Variants in CACNA2D1 observed in about 807,000 individuals in gnomAD.
CACNA2D1 encodes voltage-dependent calcium channel subunit alpha-2/delta-1.
CACNA2D1 carries 53 observed loss-of-function variants against 171.5 expected under a neutral mutation model. That is an observed-to-expected ratio of 0.31 (90% CI 0.25 to 0.39). CACNA2D1 has a LOEUF of 0.39. CACNA2D1 is among the 10% of genes least tolerant of loss of function. CACNA2D1 has a pLI of 1.00. For missense variants in CACNA2D1, 903 were observed against 1,299.8 expected, an observed-to-expected ratio of 0.69 and a Z score of 4.69; for synonymous variants, 442 against 443.1, an observed-to-expected ratio of 1.00 and a Z score of 0.03.
chr7:81,962,183 G>A (rs1034980737), intron 35 of CACNA2D1, among the ~76,000 whole-genome samples, 160 bp from the exon 36 acceptor site: 9 of 151,852 alleles, frequency 5.9e-5, no homozygotes, highest in African/African-American at 1.5e-4. Context: ...GTGGCAGCCC[G>A]TAATAGATGC....
chr7:82,409,101 C>A (rs1199335914), intron 1 of CACNA2D1, among the ~76,000 whole-genome samples: 1 of 151,578 alleles, frequency 6.6e-6, no homozygotes, highest in Non-Finnish European at 1.5e-5. Context: ...TTAATTATTT[C>A]TTTGGCTATA....
intron 38 of CACNA2D1, among the ~76,000 whole-genome samples, chr7:81,953,083 G>T (rs1400729011): frequency 1.3e-5 from 2 of 151,928 alleles, no homozygotes; most frequent in South Asian, 2.1e-4. Context: ...CAGAGTGGGG[G>T]TTTCAGCTGG....
At chr7:82,038,920 T>C (rs1803631487) in intron 10 of CACNA2D1, among the ~76,000 whole-genome samples, 2 of 151,988 alleles carry the variant, frequency 1.3e-5, no homozygotes, top group Non-Finnish European at 2.9e-5. Context: ...TTAAGAACGA[T>C]CATCAAAGTA....
At chr7:82,262,530 A>AG in intron 3 of CACNA2D1, among the ~76,000 whole-genome samples, 1 of 152,316 alleles carries the variant, frequency 6.6e-6, no homozygotes, top group East Asian at 1.9e-4. Context: ...AACTAAAAAA[A>AG]AATTCACTTT....
At chr7:82,077,009 C>A (rs1229239267) in intron 7 of CACNA2D1, among the ~76,000 whole-genome samples, 1 of 152,098 alleles carries the variant, frequency 6.6e-6, no homozygotes, top group Non-Finnish European at 1.5e-5. Context: ...TTCAAAATTT[C>A]TATAGCAAAT....
chr7:82,030,589 T>C (rs1228564132), intron 12 of CACNA2D1, among the ~76,000 whole-genome samples: 1 of 151,808 alleles, frequency 6.6e-6, no homozygotes, highest in Non-Finnish European at 1.5e-5. Context: ...TCAAAAACTT[T>C]TCATTTTTGA....
At chr7:82,362,298 T>G (rs1821160680) in intron 1 of CACNA2D1, among the ~76,000 whole-genome samples, 1 of 152,142 alleles carries the variant, frequency 6.6e-6, no homozygotes, top group Non-Finnish European at 1.5e-5. Context: ...CCAACGTAGA[T>G]TTCAACAAGC....
chr7:82,397,585 A>T (rs942512197), intron 1 of CACNA2D1, among the ~76,000 whole-genome samples: 2 of 152,232 alleles, frequency 1.3e-5, no homozygotes, highest in African/African-American at 4.8e-5. Flanking sequence ...ACAAAGGCAA[A>T]TCAGTGATTA....
At chr7:82,343,636 A>G (rs1366827949) in intron 2 of CACNA2D1, among the ~76,000 whole-genome samples, 2 of 152,114 alleles carry the variant, frequency 1.3e-5, no homozygotes, top group African/African-American at 4.8e-5. Flanking sequence ...GAAACTCTCT[A>G]CCTGTTTTTT....
At position 82,066,519 on chromosome 7, in the gene CACNA2D1, G is replaced by T. The variant is rs1807633051; in HGVS notation, c.664C>A (p.Pro222Thr). The T allele has an allele frequency of 1.3e-6, 2 of 1,573,464 alleles. No individual in the cohort carries two copies. Among genetic ancestry groups the T allele is most frequent in the African/African-American group, 1.5e-5 (1 of 66,370 alleles). ...GGAGTTCTACTATTATCAACCCATG[G>T]TGAAGCTAAAAAAAAAAAAAAAAGA... ...TGLARYYPAS[P>T]WVDNSRTPNK... Residue 222 changes from proline to threonine, a missense_variant, in exon 8 of 39, where the codon CCA becomes ACA. Physicochemically the swap from Pro to Thr is conservative, Grantham distance 38. Coordinates refer to ENST00000356860, the MANE Select transcript of CACNA2D1 (RefSeq NM_000722.4).
chr7:82,318,255 A>G (rs566322252), intron 3 of CACNA2D1, among the ~76,000 whole-genome samples: 9 of 152,132 alleles, frequency 5.9e-5, no homozygotes, highest in Non-Finnish European at 4.4e-5. Context: ...TCTGCATGGT[A>G]TCTAAGCTCA....
chr7:82,381,227 T>C (rs1239386477), intron 1 of CACNA2D1, among the ~76,000 whole-genome samples: 13 of 146,582 alleles, frequency 8.9e-5, no homozygotes, highest in Admixed American at 8.5e-4. Flanking sequence ...GGCAGGAGAA[T>C]GGCGTGAACC....
chr7:82,408,022 CTTTTTTT>C (rs552179208), intron 1 of CACNA2D1, among the ~76,000 whole-genome samples: 1 of 136,622 alleles, frequency 7.3e-6, no homozygotes, highest in Non-Finnish European at 1.6e-5. Context: ...CTTGTACTTT[CTTTTTTT>C]TTTTTTTTTG....
At chr7:82,307,152 T>G (rs2129430467) in intron 3 of CACNA2D1, among the ~76,000 whole-genome samples, 1 of 152,184 alleles carries the variant, frequency 6.6e-6, no homozygotes, top group South Asian at 2.1e-4. Context: ...TTATAAGAAT[T>G]ATATAATTCT....
chr7:82,354,152 A>G (rs757995719), intron 1 of CACNA2D1, among the ~76,000 whole-genome samples: 3 of 152,112 alleles, frequency 2.0e-5, no homozygotes, highest in Non-Finnish European at 4.4e-5. Flanking sequence ...TTCCAGTCAT[A>G]CTTCTGCAAT....
intron 3 of CACNA2D1, among the ~76,000 whole-genome samples, chr7:82,246,726 T>C (rs1804968953): frequency 6.6e-6 from 1 of 152,222 alleles, no homozygotes; most frequent in Admixed American, 6.5e-5. Context: ...AAAGCAGGAA[T>C]ATTCAGATCA....
chr7:82,225,291 G>A (rs2129263687), intron 3 of CACNA2D1, among the ~76,000 whole-genome samples: 1 of 152,250 alleles, frequency 6.6e-6, no homozygotes, highest in Non-Finnish European at 1.5e-5. Flanking sequence ...CCCTGACAAA[G>A]GTAGCTGAAT....
intron 2 of CACNA2D1, among the ~76,000 whole-genome samples, chr7:82,337,491 ACT>A (rs1331447360): frequency 6.6e-6 from 1 of 152,022 alleles, no homozygotes; most frequent in African/African-American, 2.4e-5. Flanking sequence ...TATATTTCTA[ACT>A]CTTTCCATCA....
At chr7:81,986,996 T>C (rs546886938) in intron 21 of CACNA2D1, among the ~76,000 whole-genome samples, 5 of 152,312 alleles carry the variant, frequency 3.3e-5, no homozygotes, top group African/African-American at 1.2e-4. Context: ...CATTATATCA[T>C]ACAACTGCTA....
Sources: gnomAD v4.1 joint callset for allele counts (sites outside exome capture counted in the v4.1 genomes callset) on GRCh38, gnomAD v4.1.1 for gene constraint, MANE v1.5 for transcripts, NCBI Gene and HGNC (gene_info 2026-07-23, HGNC 2026-07-21) for gene names.